Variants in PKD2L2 observed in about 807,000 individuals in gnomAD.
PKD2L2 encodes the protein polycystin 2 like 2, transient receptor potential cation channel.
A neutral mutation model predicts 83.9 loss-of-function variants in PKD2L2; 67 were observed. That is an observed-to-expected ratio of 0.80 (90% CI 0.66 to 0.98). The LOEUF is 0.98. Ranked by LOEUF, PKD2L2 falls within the 50% of genes least tolerant of loss-of-function variation. The pLI is 0.00. For synonymous variants in PKD2L2, 223 were observed against 237.8 expected (o/e 0.94, Z 0.57); for missense variants, 632 against 717.2 (o/e 0.88, Z 1.36).
chr5:137,929,436 C>T (rs12152736), intron 12 of PKD2L2, among the ~76,000 whole-genome samples: 6 of 144,590 alleles, frequency 4.1e-5, no homozygotes, highest in East Asian at 2.1e-4. Context: ...ACTCCAGCCT[C>T]GGTGACAAGA....
At chr5:137,928,229 T>C (rs990250295) in intron 12 of PKD2L2, among the ~76,000 whole-genome samples, 5 of 151,848 alleles carry the variant, frequency 3.3e-5, no homozygotes, top group African/African-American at 7.3e-5. Flanking sequence ...AAGGATTCTA[T>C]TAGAGGATGA....
At position 137,939,750 on chromosome 5, in the gene PKD2L2, C is replaced by A. The variant is rs899041552; in HGVS notation, c.*18-2634C>A. On this transcript the variant is annotated intron_variant, in intron 14 of 14. Coordinates refer to ENST00000508883, the MANE Select transcript of PKD2L2 (RefSeq NM_001300921.2). Reference sequence around the variant, plus strand: ...TGGTTTTCTAGGAAAACAGAGAACACAGTTGCGTATGTGCACTTTTATAGG... The same window carrying A: ...TGGTTTTCTAGGAAAACAGAGAACAAAGTTGCGTATGTGCACTTTTATAGG... 6 of 613,834 alleles carry A rather than the reference C, an allele frequency of 9.8e-6. No individual in the cohort carries two copies. The African/African-American group carries it at 9.9e-5, about 10-fold the overall frequency. 38.0% of individuals were successfully genotyped at this position (613,834 alleles called of 1,614,324 possible).
intron 5 of PKD2L2, 122 bp from the exon 6 acceptor site, chr5:137,906,084 C>CT: frequency 3.4e-6 from 2 of 595,240 alleles, no homozygotes; most frequent in Middle Eastern, 6.8e-4. Context: ...AGGAAAAATA[C>CT]TTTATTAAAA....
At chr5:137,894,322 T>C in intron 3 of PKD2L2, 31 bp from the exon 4 acceptor site, 1 of 1,554,110 alleles carries the variant, frequency 6.4e-7, no homozygotes, top group Non-Finnish European at 8.7e-7. Flanking sequence ...TGAAAATATT[T>C]TTCCCATGAC....
intron 5 of PKD2L2, among the ~76,000 whole-genome samples, chr5:137,902,530 T>G (rs1039364325): frequency 2.0e-5 from 3 of 152,154 alleles, no homozygotes; most frequent in South Asian, 2.1e-4. Flanking sequence ...TTCTCTTCCC[T>G]ATGATTTTTT....
At chr5:137,934,966 T>A (rs73300168) in intron 12 of PKD2L2, among the ~76,000 whole-genome samples, 7 of 152,132 alleles carry the variant, frequency 4.6e-5, no homozygotes, top group Admixed American at 4.6e-4. Context: ...TACACACTTA[T>A]CAAGCAACCA....
intron 6 of PKD2L2, among the ~76,000 whole-genome samples, chr5:137,907,078 C>A (rs1348535629): frequency 1.3e-5 from 2 of 152,182 alleles, no homozygotes; most frequent in Non-Finnish European, 2.9e-5. Context: ...ACAATCTGAT[C>A]TTTCACCCTT....
At chr5:137,891,521 G>A (rs1181348341) in intron 2 of PKD2L2, among the ~76,000 whole-genome samples, 4 of 151,358 alleles carry the variant, frequency 2.6e-5, no homozygotes, top group African/African-American at 9.7e-5. Flanking sequence ...AGATATCTTA[G>A]ACTGCTTTAT....
At chr5:137,939,052 T>G (rs904136430) in intron 14 of PKD2L2, 2 of 151,808 alleles carry the variant, frequency 1.3e-5, no homozygotes, top group African/African-American at 4.8e-5. Flanking sequence ...AGAAAAGCCA[T>G]GCAAAGCCAA....
intron 5 of PKD2L2, among the ~76,000 whole-genome samples, chr5:137,900,653 T>C (rs1220162142): frequency 6.6e-6 from 1 of 152,180 alleles, no homozygotes; most frequent in Non-Finnish European, 1.5e-5. Context: ...TTTTGCAAAA[T>C]ACCTTTTTAT....
chr5:137,925,045 C>CA lies in PKD2L2; in HGVS notation c.1562dup (p.Asn521LysfsTer15). Reference sequence around the variant, plus strand: ...CTATTTTAAATTATGCCCAGAGTTACAAAAATGTTCTCGAGAAATTCAGAC... The same window carrying CA: ...CTATTTTAAATTATGCCCAGAGTTACAAAAAATGTTCTCGAGAAATTCAGAC... On this transcript the variant is annotated frameshift_variant, in exon 11 of 15. Coordinates refer to ENST00000508883, the MANE Select transcript of PKD2L2 (RefSeq NM_001300921.2). LOFTEE classifies it high-confidence loss of function. 6.3e-7 allele frequency: 1 copy of CA among 1,586,182 alleles called. No individual in the cohort carries two copies. The highest frequency in any genetic ancestry group is 8.7e-7 in the Non-Finnish European group (1 of 1,155,136).
At chr5:137,890,711 G>A (rs1428992139) in intron 2 of PKD2L2, 129 bp downstream of exon 2, 15 of 499,990 alleles carry the variant, frequency 3.0e-5, no homozygotes, top group Middle Eastern at 5.1e-4. Flanking sequence ...ACAGTGACAC[G>A]TTTAAACATA....
chr5:137,913,883 T>C (rs1758079040), intron 8 of PKD2L2, among the ~76,000 whole-genome samples: 1 of 150,492 alleles, frequency 6.6e-6, no homozygotes, highest in Admixed American at 6.6e-5. Context: ...TTTTTTTTTT[T>C]TCCCGATGAG....
intron 8 of PKD2L2, among the ~76,000 whole-genome samples, chr5:137,917,041 T>C (rs1427833940): frequency 6.6e-6 from 1 of 152,152 alleles, no homozygotes; most frequent in Admixed American, 6.5e-5. Flanking sequence ...TTTTTGGCCA[T>C]CATTTCTTCA....
chr5:137,906,076 G>GA, intron 5 of PKD2L2, 130 bp from the exon 6 acceptor site: 1 of 579,972 alleles, frequency 1.7e-6, no homozygotes, highest in East Asian at 2.9e-5. Context: ...TTTCCCCAAG[G>GA]AAAAATACTT....
At position 137,906,226 on chromosome 5, in the gene PKD2L2, CA is replaced by C. The variant is rs1561683605; in HGVS notation, c.769del (p.Thr257LeufsTer13). ...CIIRLVAEFP[A>X]TGGILTSWQF... ...TACAGATTGGTGGCAGAATTCCCTGCAACTGGAGGAATACTTACTTCATGGC... is the reference window on the plus strand; with the variant it reads ...TACAGATTGGTGGCAGAATTCCCTGCACTGGAGGAATACTTACTTCATGGC... On this transcript the variant is annotated frameshift_variant, in exon 6 of 15. Transcript: ENST00000508883. LOFTEE classifies it high-confidence loss of function. The C allele has an allele frequency of 6.2e-7, 1 of 1,604,066 alleles. No homozygotes were observed. Among genetic ancestry groups the C allele is most frequent in the Admixed American group, 1.7e-5 (1 of 58,838 alleles).
intron 4 of PKD2L2, among the ~76,000 whole-genome samples, chr5:137,896,446 T>C (rs1756478160): frequency 6.6e-6 from 1 of 152,210 alleles, no homozygotes; most frequent in Non-Finnish European, 1.5e-5. Flanking sequence ...GATCTCACTC[T>C]CTTGCTCAGG....
chr5:137,914,133 A>G (rs1384979867), intron 8 of PKD2L2, among the ~76,000 whole-genome samples: 4 of 136,200 alleles, frequency 2.9e-5, no homozygotes, highest in African/African-American at 1.1e-4. Context: ...CAAGAGACTC[A>G]TCCGTCTTGG....
chr5:137,931,111 A>T lies in PKD2L2; in HGVS notation c.1672-4686A>T, dbSNP rs1208068845. ...AAAATAACATTTGAAAAACTGAATG[A>T]AATGGGCAATATTTCTATGAAAATA... On this transcript the variant is annotated intron_variant, in intron 12 of 14. Coordinates refer to ENST00000508883, the MANE Select transcript of PKD2L2 (RefSeq NM_001300921.2). Among the ~76,000 whole-genome samples, 4 of 152,202 alleles carry T rather than the reference A, an allele frequency of 2.6e-5. No individual in the cohort carries two copies. In the East Asian group the frequency reaches 7.7e-4, roughly 29 times the overall value.
Sources: allele counts gnomAD v4.1 joint callset (sites outside exome capture counted in the v4.1 genomes callset), GRCh38; gene constraint gnomAD v4.1.1; transcripts MANE v1.5; gene names NCBI Gene and HGNC (gene_info 2026-07-23, HGNC 2026-07-21).